Variants in FKBP15 observed in about 807,000 individuals in gnomAD.
The protein encoded by FKBP15 is FKBP prolyl isomerase family member 15.
Under a neutral mutation model 158.1 loss-of-function variants are expected in FKBP15, and 106 were observed. The ratio of observed to expected loss-of-function variants is 0.67; its 90% CI spans 0.57 to 0.79. The LOEUF (loss-of-function observed/expected upper bound fraction) is 0.79. FKBP15 is among the 30% of genes least tolerant of loss of function. FKBP15 has a pLI of 0.00. For synonymous variants in FKBP15, 547 were observed against 548.6 expected (o/e 1.00, Z 0.04); for missense variants, 1,287 against 1,479.1 (o/e 0.87, Z 2.13).
Position 113,161,481 on chromosome 9 carries a change from G to A in FKBP15, c.*4597C>T, listed in dbSNP as rs1830011251. On this transcript the variant is annotated 3_prime_UTR_variant, in exon 28 of 28. Coordinates refer to ENST00000238256, the MANE Select transcript of FKBP15 (RefSeq NM_015258.2). ...AGGGAAACAGTGCTGGCCTGGCCAG[G>A]TCTCCACAACTCTGCCTCCTTTGAC... is the stretch of plus-strand genomic sequence containing the variant. 4 of 1,611,028 alleles carry A rather than the reference G, an allele frequency of 2.5e-6. No homozygotes were observed. The highest frequency in any genetic ancestry group is 3.4e-6 in the Non-Finnish European group (4 of 1,178,180).
intron 19 of FKBP15, 68 bp from the exon 20 acceptor site, chr9:113,178,869 T>G: frequency 1.4e-6 from 2 of 1,438,492 alleles, no homozygotes; most frequent in East Asian, 2.5e-5. Flanking sequence ...TGAACCAACC[T>G]CACATAACTC....
rs753347033 is a variant in FKBP15, at chr9:113,168,546, C to A, written c.3496G>T (p.Asp1166Tyr). ...HHSQRSSLSG[D>Y]EEDELFKGAT... ...CCTTTAAACAGTTCATCCTCTTCAT[C>A]CCCAGAGAGACTGAAGGAAAATCAA... is the stretch of plus-strand genomic sequence containing the variant. Residue 1166 changes from aspartate (D) to tyrosine (Y), a missense_variant, in exon 27 of 28, where the codon GAT (aspartate) becomes TAT (tyrosine). Transcript: ENST00000238256. 1.7e-5 allele frequency: 27 copies of A among 1,613,752 alleles called. No homozygotes were observed. The highest frequency in any genetic ancestry group is 2.1e-5 in the Non-Finnish European group (25 of 1,179,648).
chr9:113,170,553 G>A lies in FKBP15; in HGVS notation c.2735C>T (p.Thr912Ile). 2 of 1,613,640 alleles carry A rather than the reference G, an allele frequency of 1.2e-6. No individual in the cohort carries two copies. Among genetic ancestry groups the A allele is most frequent in the Non-Finnish European group, 1.7e-6 (2 of 1,179,554 alleles). Residue 912 changes from threonine to isoleucine, a missense_variant, in exon 25 of 28, where the codon ACC (threonine) becomes ATC (isoleucine). Coordinates refer to ENST00000238256, the MANE Select transcript of FKBP15 (RefSeq NM_015258.2). ...FELEESYNGR[T>I]ILGTIMNTIK... ...CGTATTCATGATGGTTCCCAGAATG[G>A]TCCTGCCATTGTAAGATTCCTCCAG... is the stretch of plus-strand genomic sequence containing the variant.
rs374739151 is a variant in FKBP15 at position 113,170,601 on chromosome 9, T to C, written c.2687A>G (p.Gln896Arg). ...KVKKIMNQVFQSLRREFELEE... is the reference protein window; with the variant it reads ...KVKKIMNQVFRSLRREFELEE... ...CAGCTCAAACTCTCTCCGTAAGGAC[T>C]GGAACACCTGGTTCATGATCTTCTT... Residue 896 changes from glutamine (Q) to arginine (R), a missense_variant, in exon 25 of 28, where the codon CAG (glutamine) becomes CGG (arginine). Physicochemically the swap from Gln to Arg is conservative, Grantham distance 43 (BLOSUM62 1). Coordinates refer to ENST00000238256, the MANE Select transcript of FKBP15 (RefSeq NM_015258.2). The C allele has an allele frequency of 8.1e-6, 13 of 1,613,666 alleles. No individual in the cohort carries two copies. Among genetic ancestry groups the C allele is most frequent in the South Asian group, 1.1e-5 (1 of 91,090 alleles).
chr9:113,171,790 T>G, intron 23 of FKBP15, 84 bp from the exon 24 acceptor site: 1 of 1,094,018 alleles, frequency 9.1e-7, no homozygotes, highest in Non-Finnish European at 1.2e-6. Flanking sequence ...CACCCAAACA[T>G]CAAGTCTCTT....
chr9:113,180,924 C>T (rs143024942), intron 19 of FKBP15, among the ~76,000 whole-genome samples: 1 of 152,232 alleles, frequency 6.6e-6, no homozygotes, highest in East Asian at 1.9e-4. Flanking sequence ...AGAAAATTGC[C>T]TCCAGGGACA....
intron 6 of FKBP15, 147 bp from the exon 7 acceptor site, chr9:113,200,110 C>A: frequency 3.3e-6 from 3 of 917,938 alleles, no homozygotes; most frequent in Non-Finnish European, 4.8e-6. Flanking sequence ...AGCCAGTTAT[C>A]TTGCCAGGGA....
At chr9:113,212,399 G>A (rs1199682939) in intron 1 of FKBP15, among the ~76,000 whole-genome samples, 2 of 152,196 alleles carry the variant, frequency 1.3e-5, no homozygotes, top group Non-Finnish European at 1.5e-5. Context: ...ATGCTGGCCA[G>A]GCTGGTCTCG....
Position 113,169,367 on chromosome 9 carries a change from G to A in FKBP15, c.3342C>T (p.Ser1114=). 1 of 1,614,058 alleles carries A rather than the reference G, an allele frequency of 6.2e-7. No homozygotes were observed. Among genetic ancestry groups the A allele is most frequent in the Non-Finnish European group, 8.5e-7 (1 of 1,179,904 alleles). ...EGDPLALGPE[S]PGEPQPPQLK... ...GCTGTGGAGGCTGAGGCTCTCCTGGGCTTTCAGGCCCTAAGGCCAGTGGGT... is the reference window on the plus strand; with the variant it reads ...GCTGTGGAGGCTGAGGCTCTCCTGGACTTTCAGGCCCTAAGGCCAGTGGGT... Residue 1114 remains serine, a synonymous_variant, in exon 26 of 28, where the codon AGC becomes AGT. Transcript: ENST00000238256.
At chr9:113,179,581 A>G (rs371179286) in intron 19 of FKBP15, among the ~76,000 whole-genome samples, 17 of 151,950 alleles carry the variant, frequency 1.1e-4, no homozygotes, top group South Asian at 1.0e-3. Flanking sequence ...GAATCACTTG[A>G]ACCTGGGAGG....
intron 27 of FKBP15, 73 bp from the exon 28 acceptor site, chr9:113,166,228 G>T: frequency 7.5e-7 from 1 of 1,324,932 alleles, no homozygotes; most frequent in South Asian, 1.3e-5. Flanking sequence ...GTGAGTGGAA[G>T]CAATCCAACT....
chr9:113,189,240 A>G (rs1392514602), intron 12 of FKBP15, among the ~76,000 whole-genome samples: 1 of 152,230 alleles, frequency 6.6e-6, no homozygotes, highest in Non-Finnish European at 1.5e-5. Flanking sequence ...TCCCAGTTTT[A>G]GATTTCTACA....
intron 18 of FKBP15, 61 bp from the exon 19 acceptor site, chr9:113,182,929 A>G: frequency 7.6e-7 from 1 of 1,315,126 alleles, no homozygotes; most frequent in South Asian, 1.2e-5. Context: ...GGCAGGCACA[A>G]CCCAATGCCC....
chr9:113,217,381 T>G (rs1008245566), intron 1 of FKBP15, among the ~76,000 whole-genome samples: 1 of 151,232 alleles, frequency 6.6e-6, no homozygotes, highest in Non-Finnish European at 1.5e-5. Context: ...CCCAGTTAAT[T>G]TTTGTATGTT....
chr9:113,215,095 CTCA>C (rs1465210652), intron 1 of FKBP15, among the ~76,000 whole-genome samples: 10 of 152,212 alleles, frequency 6.6e-5, no homozygotes, highest in Admixed American at 3.9e-4. Context: ...GTTTTGCTTT[CTCA>C]TCATTTGTGT....
chr9:113,203,140 G>C (rs1177238931), intron 4 of FKBP15, 105 bp from the exon 5 acceptor site: 1 of 751,024 alleles, frequency 1.3e-6, no homozygotes, highest in East Asian at 2.7e-5. Context: ...ATCAAAGGTT[G>C]TGCTTCATAC....
intron 22 of FKBP15, 98 bp downstream of exon 22, chr9:113,174,329 GA>G (rs1830265334): frequency 1.5e-6 from 2 of 1,316,074 alleles, no homozygotes; most frequent in Non-Finnish European, 2.1e-6. Context: ...TCAGCTATGA[GA>G]AATGTCATCC....
intron 19 of FKBP15, among the ~76,000 whole-genome samples, chr9:113,180,218 G>T (rs12350438): frequency 6.6e-6 from 1 of 152,114 alleles, no homozygotes; most frequent in African/African-American, 2.4e-5. Flanking sequence ...AGCTAGAAAG[G>T]CCTCTCAGAA....
In FKBP15 at chr9:113,184,425, T is replaced by A; in HGVS notation, c.1609-26A>T. 1 of 1,494,078 alleles carries A rather than the reference T, an allele frequency of 6.7e-7. No homozygotes were observed. The highest frequency in any genetic ancestry group is 9.2e-7 in the Non-Finnish European group (1 of 1,086,074). 92.6% of individuals were successfully genotyped at this position (1,494,078 alleles called of 1,614,324 possible). On this transcript the variant is annotated intron_variant, in intron 16 of 27. Coordinates refer to ENST00000238256, the MANE Select transcript of FKBP15 (RefSeq NM_015258.2). This position sits in a 1 kb window ranked among gnomAD's most constrained non-coding sequence, Gnocchi z 4.5. ...CTACAAAAGGGATACCAGAAAGACCTTGTGAGAAATTATAAAATGAAGAAA... is the reference window on the plus strand; with the variant it reads ...CTACAAAAGGGATACCAGAAAGACCATGTGAGAAATTATAAAATGAAGAAA...
Sources: allele counts gnomAD v4.1 joint callset (sites outside exome capture counted in the v4.1 genomes callset), GRCh38; gene constraint gnomAD v4.1.1; non-coding constraint Gnocchi (gnomAD v3.1); transcripts MANE v1.5; gene names NCBI Gene and HGNC (gene_info 2026-07-23, HGNC 2026-07-21).